The following P2RY14 variants were observed in gnomAD, a reference collection of about 807,000 sequenced individuals.
P2RY14 encodes the protein P2Y purinoceptor 14.
P2RY14 carries 2 observed loss-of-function variants against 0.9 expected under a neutral mutation model. The ratio of observed to expected loss-of-function variants is 2.16; its 90% CI spans 0.88 to 6.79. P2RY14 has a LOEUF of 6.79. Ranked by LOEUF, P2RY14 falls within the 30% of genes most tolerant of loss-of-function variation. The pLI, the probability that P2RY14 is intolerant of heterozygous loss-of-function variation, is 0.05. For missense variants in P2RY14, 378 were observed against 400.1 expected (o/e 0.94, Z 0.47); for synonymous variants, 158 against 147.2 (o/e 1.07, Z -0.53).
intron 1 of P2RY14, among the ~76,000 whole-genome samples, chr3:151,245,382 C>T (rs1166964514): frequency 7.5e-6 from 1 of 133,600 alleles, no homozygotes; most frequent in Non-Finnish European, 1.6e-5. Context: ...AAAATACTGG[C>T]AAACTGAATC....
At chr3:151,265,153 T>C (rs1166851414) in intron 1 of P2RY14, among the ~76,000 whole-genome samples, 1 of 152,194 alleles carries the variant, frequency 6.6e-6, no homozygotes, top group East Asian at 1.9e-4. Context: ...CCTAGAGCAG[T>C]ATCTGGCACA....
Position 151,214,039 on chromosome 3 carries a change from A to G in P2RY14, c.278T>C (p.Val93Ala), listed in dbSNP as rs141377422. The G allele has an allele frequency of 2.3e-4, 367 of 1,614,200 alleles. No homozygotes were observed. In the African/African-American group the frequency reaches 4.2e-3, roughly 18 times the overall value. ...GAAGAGCACGGCAGAGACCCTGCAC[A>G]CAAACACGTTCAGCTGCCAGGGACC... ...GLGPWQLNVF[V>A]CRVSAVLFYV... The change falls in exon 3 of 3, where the codon GTG becomes GCG. Residue 93 changes from valine to alanine, a missense_variant. Transcript: ENST00000309170.
chr3:151,260,285 A>T (rs897777516), intron 1 of P2RY14, among the ~76,000 whole-genome samples: 1 of 152,180 alleles, frequency 6.6e-6, no homozygotes, highest in African/African-American at 2.4e-5. Context: ...TGCATTATGA[A>T]CTTATGTTAA....
rs552295782 is a variant in P2RY14 at position 151,228,313 on chromosome 3, A to G, written c.-132-8671T>C. Among the ~76,000 whole-genome samples, 4 of 146,844 alleles carry G rather than the reference A, an allele frequency of 2.7e-5. No homozygotes were observed. In the East Asian group the frequency reaches 6.1e-4, roughly 22 times the overall value. ...TGTCTAAAATGAGGGGAGAAGTAGT[A>G]GCTACCTCAGCTACATCTAGGGTTC... On this transcript the variant is annotated intron_variant, in intron 1 of 2. Coordinates refer to ENST00000309170, the MANE Select transcript of P2RY14 (RefSeq NM_014879.4).
intron 1 of P2RY14, among the ~76,000 whole-genome samples, chr3:151,222,210 A>G (rs930592132): frequency 1.3e-5 from 2 of 152,130 alleles, no homozygotes; most frequent in Non-Finnish European, 2.9e-5. Context: ...CTTGCTTTAG[A>G]TTTTACAGGC....
chr3:151,242,152 A>G (rs549793311), intron 1 of P2RY14, among the ~76,000 whole-genome samples: 9 of 152,278 alleles, frequency 5.9e-5, no homozygotes, highest in Non-Finnish European at 1.3e-4. Context: ...GATTGCTAGC[A>G]CAGCAGTCTG....
chr3:151,235,692 CAAATAAATAAATAAAT>C (rs139535921), intron 1 of P2RY14, among the ~76,000 whole-genome samples: 1 of 148,968 alleles, frequency 6.7e-6, no homozygotes, highest in Non-Finnish European at 1.5e-5. Context: ...GACTCCATCT[CAAATAAATAAATAAAT>C]AAATAAATAA....
intron 1 of P2RY14, among the ~76,000 whole-genome samples, chr3:151,236,719 C>G (rs1732895805): frequency 6.6e-6 from 1 of 152,112 alleles, no homozygotes; most frequent in Non-Finnish European, 1.5e-5. Flanking sequence ...TATGTAATCT[C>G]TTCATGATTT....
chr3:151,248,707 A>G (rs1736249745), intron 1 of P2RY14, among the ~76,000 whole-genome samples: 1 of 152,172 alleles, frequency 6.6e-6, no homozygotes. Context: ...GACTTGGTTT[A>G]TTACTTGAAT....
In P2RY14 at chr3:151,214,215, A is replaced by G. The variant is rs1476344377; in HGVS notation, c.102T>C (p.Ile34=). The G allele has an allele frequency of 1.2e-6, 2 of 1,614,082 alleles. No individual in the cohort carries two copies. The highest frequency in any genetic ancestry group is 2.7e-5 in the African/African-American group (2 of 75,054). ...ACACTCCATTGAGTAGGATTCCTGC[A>G]ATGAAGACCATACAGTACAGCACAG... is the stretch of plus-strand genomic sequence containing the variant. ...IIPVLYCMVF[I]AGILLNGVSG... The change falls in exon 3 of 3, where the codon ATT becomes ATC. Residue 34 remains isoleucine, a synonymous_variant. Transcript: ENST00000309170.
At chr3:151,229,828 G>A (rs1321452294) in intron 1 of P2RY14, among the ~76,000 whole-genome samples, 1 of 152,174 alleles carries the variant, frequency 6.6e-6, no homozygotes, top group South Asian at 2.1e-4. Context: ...TGGAGCAACT[G>A]TATTAGTTGC....
chr3:151,249,609 C>T (rs148871259), intron 1 of P2RY14, among the ~76,000 whole-genome samples: 134 of 152,268 alleles, frequency 8.8e-4, no homozygotes, highest in Middle Eastern at 3.4e-3. Flanking sequence ...GGACTTGATG[C>T]ATGCCAGTAC....
At chr3:151,260,160 G>A (rs183259856) in intron 1 of P2RY14, among the ~76,000 whole-genome samples, 1 of 152,190 alleles carries the variant, frequency 6.6e-6, no homozygotes, top group Admixed American at 6.5e-5. Context: ...AAAGAATGAG[G>A]GCTAGTAAAC....
intron 1 of P2RY14, among the ~76,000 whole-genome samples, chr3:151,248,607 G>A (rs1426816666): frequency 2.0e-5 from 3 of 151,874 alleles, no homozygotes; most frequent in Admixed American, 2.0e-4. Flanking sequence ...TTTAAAATAG[G>A]AATTTCCTAA....
chr3:151,245,584 A>T (rs1735249421), intron 1 of P2RY14, among the ~76,000 whole-genome samples: 1 of 150,668 alleles, frequency 6.6e-6, no homozygotes, highest in African/African-American at 2.4e-5. Context: ...TCATGCTGAA[A>T]ACTCTCAATA....
rs1559962861 is a variant in P2RY14, at chr3:151,269,441, A to AC, written c.-133+8845_-133+8846insG. 1,219 of 231,300 alleles carry AC rather than the reference A, an allele frequency of 5.3e-3. 14 individuals are homozygous for AC. The highest frequency in any genetic ancestry group is 0.028 in the African/African-American group (1,150 of 40,934). The allele number at this position is 231,300 out of a possible 1,614,324, so 14.3% of individuals were successfully genotyped here. A position where few individuals can be genotyped will look rare whatever the true frequency, so the allele number is the denominator to read the frequency against. The stretch of plus-strand genomic sequence containing the variant: ...CACACACACACACACACACACACAC[A>AC]AAATTCAGAGACTTAATGAACAAGC... On this transcript the variant is annotated intron_variant, in intron 1 of 2. Coordinates refer to ENST00000309170, the MANE Select transcript of P2RY14 (RefSeq NM_014879.4).
intron 1 of P2RY14, among the ~76,000 whole-genome samples, chr3:151,235,265 T>C (rs929155263): frequency 1.3e-5 from 2 of 152,186 alleles, no homozygotes; most frequent in African/African-American, 2.4e-5. Flanking sequence ...GTGAAAGATT[T>C]CTGGACCTTT....
intron 1 of P2RY14, among the ~76,000 whole-genome samples, chr3:151,237,485 G>A (rs920505123): frequency 7.3e-5 from 11 of 151,212 alleles, no homozygotes; most frequent in South Asian, 2.1e-4. Context: ...AAGTAGCTGG[G>A]ACTACAGGTG....
intron 1 of P2RY14, among the ~76,000 whole-genome samples, chr3:151,250,806 G>A (rs1736706639): frequency 6.6e-6 from 1 of 152,270 alleles, no homozygotes; most frequent in Middle Eastern, 3.4e-3. Context: ...GCTGGATCAT[G>A]TGGTAATCCT....
Sources: allele counts gnomAD v4.1 joint callset (sites outside exome capture counted in the v4.1 genomes callset), GRCh38; gene constraint gnomAD v4.1.1; transcripts MANE v1.5; gene names NCBI Gene and HGNC (gene_info 2026-07-23, HGNC 2026-07-21).